The following NUP62CL variants were observed in gnomAD, a reference collection of about 807,000 sequenced individuals.
NUP62CL encodes the protein nucleoporin 62 C-terminal like.
Under a neutral mutation model 15.3 loss-of-function variants are expected in NUP62CL, and 13 were observed. The ratio of observed to expected loss-of-function variants is 0.85; its 90% confidence interval spans 0.55 to 1.35. The LOEUF (loss-of-function observed/expected upper bound fraction) is 1.35, where lower values mean the gene tolerates loss of function less well. Among genes scored for constraint, NUP62CL ranks in the 40% most tolerant of loss-of-function variants. The pLI is 0.00. For synonymous variants in NUP62CL, 54 were observed against 49.2 expected (o/e 1.10, Z -0.41); for missense variants, 123 against 130.6 (o/e 0.94, Z 0.28).
intron 4 of NUP62CL, among the ~76,000 whole-genome samples, chrX:107,157,386 A>G (rs1207534787): frequency 1.1e-4 from 12 of 108,738 alleles, no homozygotes; most frequent in Non-Finnish European, 1.5e-4. Context: ...GAGAAAGGTC[A>G]GGTTACCCTC....
At chrX:107,124,842 A>G (rs1355574748) in intron 8 of NUP62CL, among the ~76,000 whole-genome samples, 1 of 111,924 alleles carries the variant, frequency 8.9e-6, no homozygotes, top group East Asian at 2.8e-4. Flanking sequence ...TTCTGCTAGT[A>G]AAACTAAGCT....
intron 3 of NUP62CL, among the ~76,000 whole-genome samples, chrX:107,172,184 G>T (rs961661759): frequency 9.4e-6 from 1 of 106,364 alleles, no homozygotes; most frequent in Non-Finnish European, 1.9e-5. Context: ...AAAAAAATCA[G>T]TTGGTCATGG....
chrX:107,156,252 G>C (rs1190576858), intron 4 of NUP62CL, among the ~76,000 whole-genome samples: 143 of 110,817 alleles, frequency 1.3e-3, no homozygotes, highest in African/African-American at 4.5e-3. Context: ...AAGCAGCCGG[G>C]AAGCTCCAAC....
chrX:107,131,572 G>A, intron 8 of NUP62CL: 1 of 404,661 alleles, frequency 2.5e-6, no homozygotes, highest in South Asian at 3.3e-5. Context: ...AGAGAATGTA[G>A]GGCCGGTACT....
chrX:107,202,316 A>G (rs954550558), intron 1 of NUP62CL, among the ~76,000 whole-genome samples: 3 of 112,121 alleles, frequency 2.7e-5, no homozygotes, highest in African/African-American at 9.7e-5. Flanking sequence ...ATAAGACAAT[A>G]TGTGTGCTTT....
At chrX:107,181,426 T>C (rs1354639665) in intron 2 of NUP62CL, among the ~76,000 whole-genome samples, 2 of 111,784 alleles carry the variant, frequency 1.8e-5, no homozygotes, top group African/African-American at 6.5e-5. Flanking sequence ...CTGATTTTTC[T>C]TTCTATCCCT....
In NUP62CL at chrX:107,124,147, C is replaced by G. The variant is rs1026171765; in HGVS notation, c.*228G>C. 5 of 280,425 alleles carry G rather than the reference C, an allele frequency of 1.8e-5. No homozygotes were observed. The highest frequency in any genetic ancestry group is 1.4e-4 in the African/African-American group (5 of 34,591). 23.1% of individuals were successfully genotyped at this position (280,425 alleles called of 1,213,427 possible). A position where few individuals can be genotyped will look rare whatever the true frequency, so the allele number is the denominator to read the frequency against. ...AAAAGGATGCACAATTCATTATGAT[C>G]AAGATGAAATATTAAGTATAAATAC... On this transcript the variant is annotated 3_prime_UTR_variant, in exon 9 of 9. Transcript: ENST00000372466.
chrX:107,152,187 G>GATATAT lies in NUP62CL; in HGVS notation c.530+979_530+984dup, dbSNP rs762237312. Among the ~76,000 whole-genome samples the GATATAT allele has an allele frequency of 2.7e-3, 210 of 77,394 alleles. 4 individuals are homozygous for GATATAT. Among genetic ancestry groups the GATATAT allele is most frequent in the African/African-American group, 0.01 (197 of 19,557 alleles). 67.2% of individuals were successfully genotyped at this position (77,394 alleles called of 115,157 possible). ...ATATATTCAGATATATATATATTCAGATATATATATATATATGACTACAAA... is the reference window on the plus strand; with the variant it reads ...ATATATTCAGATATATATATATTCAGATATATATATATATATATATATGACTACAAA... On this transcript the variant is annotated intron_variant, in intron 7 of 8. Transcript: ENST00000372466.
At chrX:107,202,537 C>A (rs1229424253) in intron 1 of NUP62CL, 2 of 110,345 alleles carry the variant, frequency 1.8e-5, no homozygotes, top group Non-Finnish European at 3.8e-5. Context: ...TAAAGTAAAT[C>A]ATTTTAAAAA....
intron 2 of NUP62CL, among the ~76,000 whole-genome samples, chrX:107,187,753 TAA>T (rs1234401238): frequency 4.5e-5 from 5 of 112,198 alleles, no homozygotes; most frequent in Non-Finnish European, 9.4e-5. Flanking sequence ...AGACTGACAA[TAA>T]AAGAGGGAAA....
intron 8 of NUP62CL, among the ~76,000 whole-genome samples, chrX:107,124,672 T>C (rs1346447402): frequency 9.0e-6 from 1 of 111,200 alleles, no homozygotes; most frequent in Non-Finnish European, 1.9e-5. Flanking sequence ...GAGTATAGGT[T>C]TTGGTGGGTC....
At chrX:107,180,756 G>A (rs1272079820) in intron 2 of NUP62CL, among the ~76,000 whole-genome samples, 1 of 110,544 alleles carries the variant, frequency 9.0e-6, no homozygotes, top group African/African-American at 3.3e-5. Flanking sequence ...ATGCAGATGG[G>A]GAATAATATA....
At position 107,167,699 on chromosome X, in the gene NUP62CL, T is replaced by C. The variant is rs766322411; in HGVS notation, c.144A>G (p.Gln48=). ...ITSGFTVNQN[Q]LLSRGFENLV... Reference sequence around the variant, plus strand: ...GGTTTTCAAACCCTCTTGATAACAGTTGGTTTTGGTTCACAGTAAAGCCAC... The same window carrying C: ...GGTTTTCAAACCCTCTTGATAACAGCTGGTTTTGGTTCACAGTAAAGCCAC... Residue 48 remains glutamine, a synonymous_variant, in exon 4 of 9, where the codon CAA becomes CAG. Transcript: ENST00000372466. The C allele has an allele frequency of 4.1e-6, 5 of 1,207,463 alleles. No individual in the cohort carries two copies. In the Admixed American group the frequency reaches 8.8e-5, roughly 21 times the overall value.
intron 8 of NUP62CL, among the ~76,000 whole-genome samples, chrX:107,127,857 T>C (rs1925425005): frequency 8.9e-6 from 1 of 111,870 alleles, no homozygotes; most frequent in Non-Finnish European, 1.9e-5. Flanking sequence ...AAATTATTTA[T>C]AAACATTTTC....
chrX:107,153,705 T>C (rs1926103725), intron 5 of NUP62CL, among the ~76,000 whole-genome samples: 1 of 112,341 alleles, frequency 8.9e-6, no homozygotes, highest in African/African-American at 3.2e-5. Context: ...TGGTGGCTCA[T>C]GCCTATAATC....
intron 2 of NUP62CL, among the ~76,000 whole-genome samples, chrX:107,181,806 T>C: frequency 8.9e-6 from 1 of 112,426 alleles, no homozygotes; most frequent in Admixed American, 9.4e-5. Context: ...GTTTGCTTCA[T>C]CTAAGTCATG....
At chrX:107,129,941 C>T (rs1925473618) in intron 8 of NUP62CL, among the ~76,000 whole-genome samples, 1 of 111,600 alleles carries the variant, frequency 9.0e-6, no homozygotes, top group African/African-American at 3.3e-5. Flanking sequence ...TAAAACAACA[C>T]AACATCTCTT....
intron 7 of NUP62CL, among the ~76,000 whole-genome samples, chrX:107,152,099 G>GAT (rs746505025): frequency 0.016 from 610 of 38,702 alleles, 59 homozygotes; most frequent in African/African-American, 0.084. Flanking sequence ...TATATATTCA[G>GAT]ATATATATAT....
intron 2 of NUP62CL, among the ~76,000 whole-genome samples, chrX:107,178,165 T>C: frequency 9.0e-6 from 1 of 111,557 alleles, no homozygotes; most frequent in Non-Finnish European, 1.9e-5. Flanking sequence ...TGTAGATTAG[T>C]GGTTGCCAAA....
Sources: allele counts gnomAD v4.1 joint callset (sites outside exome capture counted in the v4.1 genomes callset), GRCh38; gene constraint gnomAD v4.1.1; transcripts MANE v1.5; gene names NCBI Gene and HGNC (gene_info 2026-07-23, HGNC 2026-07-21).